Variants in TYR observed in about 807,000 individuals in gnomAD.
TYR encodes the protein tyrosinase, also known as LB24-AB.
Under a neutral mutation model 51.5 loss-of-function variants are expected in TYR, and 58 were observed. The ratio of observed to expected loss-of-function variants is 1.13; its 90% CI spans 0.91 to 1.40. The LOEUF is 1.40. TYR is among the 40% of genes most tolerant of loss of function. The pLI is 0.00. For synonymous variants in TYR, 263 were observed against 235.2 expected (o/e 1.12, Z -1.08); for missense variants, 732 against 647.4 (o/e 1.13, Z -1.42).
intron 2 of TYR, among the ~76,000 whole-genome samples, chr11:89,226,155 C>T (rs976376908): frequency 6.6e-6 from 1 of 152,066 alleles, no homozygotes; most frequent in Non-Finnish European, 1.5e-5. Flanking sequence ...CTATGAAGAA[C>T]ATTGTCCTCA....
At chr11:89,190,256 G>A (rs1943425224) in intron 1 of TYR, among the ~76,000 whole-genome samples, 1 of 152,108 alleles carries the variant, frequency 6.6e-6, no homozygotes, top group Non-Finnish European at 1.5e-5. Context: ...ACGCCTGGAT[G>A]TTTTATAGAG....
rs116045156 is a variant in TYR at position 89,201,588 on chromosome 11, C to A, written c.1036+10170C>A. On this transcript the variant is annotated intron_variant, in intron 2 of 4. Coordinates refer to ENST00000263321, the MANE Select transcript of TYR (RefSeq NM_000372.5). ...ATTCATTTTTACTGCAAGTCTGTGG[C>A]TGGTGAAGAATATAATAATTACAGT... 5.0e-3 allele frequency among the ~76,000 whole-genome samples: 764 copies of A among 152,314 alleles called. 5 individuals carry two copies. The highest frequency in any genetic ancestry group is 0.017 in the African/African-American group (720 of 41,570).
intron 2 of TYR, among the ~76,000 whole-genome samples, chr11:89,219,593 A>G (rs1218363888): frequency 6.6e-6 from 1 of 152,172 alleles, no homozygotes; most frequent in Middle Eastern, 3.2e-3. Flanking sequence ...CCGGCCTGAT[A>G]GAATGCTTTT....
chr11:89,284,813 G>A lies in TYR; in HGVS notation c.1225G>A (p.Glu409Lys), dbSNP rs1296165748. 1.9e-6 allele frequency: 3 copies of A among 1,611,800 alleles called. No homozygotes were observed. Among genetic ancestry groups the A allele is most frequent in the African/African-American group, 1.3e-5 (1 of 74,860 alleles). ...QWLRRHRPLQ[E>K]VYPEANAPIG... is the part of the protein sequence containing the mutation. Reference sequence around the variant, plus strand: ...GCTCCGAAGGCACCGTCCTCTTCAAGAAGTTTATCCAGAAGCCAATGCACC... The same window carrying A: ...GCTCCGAAGGCACCGTCCTCTTCAAAAAGTTTATCCAGAAGCCAATGCACC... Residue 409 changes from glutamate to lysine, a missense_variant, in exon 4 of 5, where the codon GAA becomes AAA. Transcript: ENST00000263321.
chr11:89,196,378 G>T (rs1943518824), intron 2 of TYR, among the ~76,000 whole-genome samples: 1 of 152,114 alleles, frequency 6.6e-6, no homozygotes, highest in South Asian at 2.1e-4. Context: ...TTTCAAAAAT[G>T]AGGTGACAGC....
intron 2 of TYR, among the ~76,000 whole-genome samples, chr11:89,221,856 C>G (rs1020619375): frequency 6.6e-6 from 1 of 152,144 alleles, no homozygotes; most frequent in African/African-American, 2.4e-5. Flanking sequence ...TAAATGTGCT[C>G]TATTCTTCTG....
At chr11:89,194,089 G>A (rs564250726) in intron 2 of TYR, among the ~76,000 whole-genome samples, 2 of 152,066 alleles carry the variant, frequency 1.3e-5, no homozygotes, top group African/African-American at 4.8e-5. Context: ...AATATCCTCA[G>A]TATTTTTCCT....
Position 89,177,943 on chromosome 11 carries a change from CTAGAGGAAGAA to C in TYR, c.-9_2del. On this transcript the variant is annotated start_lost and 5_prime_UTR_variant, in exon 1 of 5. Transcript: ENST00000263321. Reference sequence around the variant, plus strand: ...CCAGTTCCTGCAGACCTTGTGAGGACTAGAGGAAGAATGCTCCTGGCTGTTTTGTACTGCCT... The same window carrying C: ...CCAGTTCCTGCAGACCTTGTGAGGACTGCTCCTGGCTGTTTTGTACTGCCT... 6.2e-7 allele frequency: 1 copy of C among 1,613,646 alleles called. No homozygotes were observed. The highest frequency in any genetic ancestry group is 1.1e-5 in the South Asian group (1 of 91,048).
At chr11:89,273,144 A>C (rs112666511) in intron 3 of TYR, among the ~76,000 whole-genome samples, 1,619 of 152,016 alleles carry the variant, frequency 0.011, 32 homozygotes, top group African/African-American at 0.038. Flanking sequence ...TAAAAGGCCT[A>C]GCTATGTTGG....
At chr11:89,229,302 T>G (rs1944013079) in intron 3 of TYR, among the ~76,000 whole-genome samples, 1 of 152,186 alleles carries the variant, frequency 6.6e-6, no homozygotes, top group East Asian at 1.9e-4. Flanking sequence ...AACACCAAAG[T>G]GTTGGTGTCA....
At chr11:89,204,769 G>A (rs1053055779) in intron 2 of TYR, among the ~76,000 whole-genome samples, 2 of 150,550 alleles carry the variant, frequency 1.3e-5, no homozygotes, top group African/African-American at 4.9e-5. Flanking sequence ...AAAATGTCCA[G>A]GTTGAAAACA....
At chr11:89,290,537 A>C (rs1471660364) in intron 4 of TYR, among the ~76,000 whole-genome samples, 1 of 152,080 alleles carries the variant, frequency 6.6e-6, no homozygotes, top group Non-Finnish European at 1.5e-5. Flanking sequence ...ATTTAAGCTA[A>C]GTATTGTAGT....
At chr11:89,207,756 T>C (rs1943691068) in intron 2 of TYR, among the ~76,000 whole-genome samples, 1 of 152,198 alleles carries the variant, frequency 6.6e-6, no homozygotes, top group Non-Finnish European at 1.5e-5. Flanking sequence ...TTTTATGCAT[T>C]GAAACAAATG....
At chr11:89,257,987 A>T (rs11821815) in intron 3 of TYR, among the ~76,000 whole-genome samples, 4,541 of 152,056 alleles carry the variant, frequency 0.03, 245 homozygotes, top group African/African-American at 0.1. Context: ...GGATTTTTTT[A>T]AAAAAATCAT....
chr11:89,267,138 C>T (rs746228474), intron 3 of TYR, among the ~76,000 whole-genome samples: 17 of 151,820 alleles, frequency 1.1e-4, no homozygotes, highest in Non-Finnish European at 1.9e-4. Flanking sequence ...ATGCTTAGGG[C>T]TTAGGGATAT....
chr11:89,277,961 G>GA (rs1282067487), intron 3 of TYR, among the ~76,000 whole-genome samples: 9 of 151,428 alleles, frequency 5.9e-5, no homozygotes, highest in Non-Finnish European at 1.0e-4. Flanking sequence ...TTTCTGTTAG[G>GA]AAAAAAACAC....
rs558887731 is a variant in TYR at position 89,194,550 on chromosome 11, C to T, written c.1036+3132C>T. ...TCACAATTTCTTCTACAGTTGGCAT[C>T]GTCGATGGTTACAAATTTATGATTT... On this transcript the variant is annotated intron_variant, in intron 2 of 4. Coordinates refer to ENST00000263321, the MANE Select transcript of TYR (RefSeq NM_000372.5). 4.4e-4 allele frequency among the ~76,000 whole-genome samples: 67 copies of T among 152,260 alleles called. 1 individual carries two copies. The highest frequency in any genetic ancestry group is 8.3e-4 in the South Asian group (4 of 4,824).
chr11:89,250,332 A>G (rs1944316042), intron 3 of TYR, among the ~76,000 whole-genome samples: 5 of 151,942 alleles, frequency 3.3e-5, no homozygotes, highest in Admixed American at 2.6e-4. Flanking sequence ...AGGCAAAGAA[A>G]GATTAAATAA....
chr11:89,258,617 T>C (rs1311503406), intron 3 of TYR, among the ~76,000 whole-genome samples: 1 of 152,060 alleles, frequency 6.6e-6, no homozygotes. Context: ...CCCATGAAAT[T>C]ATGAAGAAAC....
Sources: allele counts gnomAD v4.1 joint callset (sites outside exome capture counted in the v4.1 genomes callset), GRCh38; gene constraint gnomAD v4.1.1; transcripts MANE v1.5; gene names NCBI Gene and HGNC (gene_info 2026-07-23, HGNC 2026-07-21).